The following WWOX variants were observed in gnomAD, a reference collection of about 807,000 sequenced individuals.
WWOX encodes WW domain containing oxidoreductase.
Under a neutral mutation model 46.2 loss-of-function variants are expected in WWOX, and 69 were observed. The observed-to-expected ratio is 1.49, with a 90% CI of 1.23 to 1.82. The LOEUF is 1.82. Among genes scored for constraint, WWOX ranks in the 40% most tolerant of loss-of-function variants. The pLI is 0.00. For synonymous variants in WWOX, 359 were observed against 202.6 expected (o/e 1.77, Z -6.56); for missense variants, 919 against 542.6 (o/e 1.69, Z -6.89).
intron 8 of WWOX, among the ~76,000 whole-genome samples, chr16:78,859,962 A>C (rs2052677353): frequency 1.3e-5 from 2 of 152,200 alleles, no homozygotes; most frequent in African/African-American, 4.8e-5. Flanking sequence ...TGATTTGGTG[A>C]CATATCCAGA....
At chr16:78,520,714 G>A (rs1249109147) in intron 8 of WWOX, among the ~76,000 whole-genome samples, 1 of 152,000 alleles carries the variant, frequency 6.6e-6, no homozygotes, top group African/African-American at 2.4e-5. Flanking sequence ...ATGAATCCCT[G>A]CATTGGCCAC....
At position 78,314,688 on chromosome 16, in the gene WWOX, G is replaced by GTTT. The variant is rs375905643; in HGVS notation, c.517-72162_517-72160dup. On this transcript the variant is annotated intron_variant, in intron 5 of 8. Transcript: ENST00000566780. ...TACAGGCACACCCCACCCTGCAGGG[G>GTTT]TTTTTTTTTTTTGTTTTTTTTTTTT... 1.7e-3 allele frequency among the ~76,000 whole-genome samples: 155 copies of GTTT among 90,452 alleles called. 2 individuals are homozygous for GTTT. The highest frequency in any genetic ancestry group is 9.0e-3 in the East Asian group (22 of 2,440). 59.3% of individuals were successfully genotyped at this position (90,452 alleles called of 152,430 possible). A position where few individuals can be genotyped will look rare whatever the true frequency, so the allele number is the denominator to read the frequency against.
chr16:79,147,103 G>A (rs562121295), intron 8 of WWOX, among the ~76,000 whole-genome samples: 2 of 152,278 alleles, frequency 1.3e-5, no homozygotes, highest in African/African-American at 4.8e-5. Context: ...ACTCAAGTGT[G>A]TATATGTGTG....
chr16:79,116,453 C>T (rs1244704246), intron 8 of WWOX, among the ~76,000 whole-genome samples: 7 of 152,164 alleles, frequency 4.6e-5, no homozygotes, highest in Non-Finnish European at 7.3e-5. Context: ...ACATTCATGA[C>T]GTTGTTCATG....
At chr16:78,597,545 C>T (rs1816616336) in intron 8 of WWOX, among the ~76,000 whole-genome samples, 1 of 152,136 alleles carries the variant, frequency 6.6e-6, no homozygotes, top group Non-Finnish European at 1.5e-5. Context: ...TACTGGTGAC[C>T]TGTTTTAAGA....
chr16:78,831,918 C>T (rs760464002), intron 8 of WWOX, among the ~76,000 whole-genome samples: 2 of 152,026 alleles, frequency 1.3e-5, no homozygotes, highest in African/African-American at 4.8e-5. Flanking sequence ...TCTCAAATAC[C>T]CTTCCTCTTT....
intron 8 of WWOX, among the ~76,000 whole-genome samples, chr16:79,095,907 T>C (rs2049059341): frequency 6.7e-6 from 1 of 149,590 alleles, no homozygotes; most frequent in South Asian, 2.1e-4. Flanking sequence ...CTCTGTTGTT[T>C]AGGCATGATC....
In WWOX at chr16:78,100,127, C is replaced by T. The variant is rs1461280519; in HGVS notation, c.107+242C>T. The T allele has an allele frequency of 1.5e-5, 20 of 1,341,038 alleles. No homozygotes were observed. In the East Asian group the frequency reaches 3.3e-4, roughly 22 times the overall value. The allele number at this position is 1,341,038 out of a possible 1,614,324, so 83.1% of individuals were successfully genotyped here. A position where few individuals can be genotyped will look rare whatever the true frequency, so the allele number is the denominator to read the frequency against. ...GGCGCGCCCTCTGCTGTTCAGGATG[C>T]AGCACTGCGCGGCGCGGCGAGGGCA... On this transcript the variant is annotated intron_variant, in intron 1 of 8. Coordinates refer to ENST00000566780, the MANE Select transcript of WWOX (RefSeq NM_016373.4).
intron 5 of WWOX, among the ~76,000 whole-genome samples, chr16:78,381,992 T>C (rs987725107): frequency 6.6e-6 from 1 of 152,142 alleles, no homozygotes; most frequent in African/African-American, 2.4e-5. Context: ...CAGCCTCCTG[T>C]GTAGCAGGTG....
chr16:78,428,897 A>G (rs1597071459), intron 7 of WWOX, among the ~76,000 whole-genome samples: 1 of 152,328 alleles, frequency 6.6e-6, no homozygotes, highest in East Asian at 1.9e-4. Flanking sequence ...ACATGTAAAC[A>G]TTAATGGAAA....
At chr16:79,123,636 G>A (rs928403346) in intron 8 of WWOX, among the ~76,000 whole-genome samples, 3 of 152,104 alleles carry the variant, frequency 2.0e-5, no homozygotes. Flanking sequence ...TGACCCCAAG[G>A]CTCCAGGCTT....
chr16:78,525,339 C>G (rs1406202996), intron 8 of WWOX: 1 of 151,982 alleles, frequency 6.6e-6, no homozygotes, highest in African/African-American at 2.4e-5. Context: ...GCGCCAGCCA[C>G]CACGCCCGGC....
chr16:79,146,250 T>G lies in WWOX; in HGVS notation c.1057-65358T>G, dbSNP rs534996507. ...AAAAAGAGTCTTTTGCATTTTTATTTCTTATCAATAGGTCCCTTTTTCTTG... is the reference window on the plus strand; with the variant it reads ...AAAAAGAGTCTTTTGCATTTTTATTGCTTATCAATAGGTCCCTTTTTCTTG... On this transcript the variant is annotated intron_variant, in intron 8 of 8. Transcript: ENST00000566780. Among the ~76,000 whole-genome samples the G allele has an allele frequency of 2.0e-4, 30 of 152,304 alleles. 1 individual carries two copies. Among genetic ancestry groups the G allele is most frequent in the Admixed American group, 1.6e-3 (24 of 15,296 alleles).
At chr16:78,605,468 ATT>A in intron 8 of WWOX, among the ~76,000 whole-genome samples, 1 of 149,068 alleles carries the variant, frequency 6.7e-6, no homozygotes, top group South Asian at 2.1e-4. Flanking sequence ...ACTCCAGCCT[ATT>A]TTTTTTTTCT....
chr16:78,581,622 G>A (rs1011293319), intron 8 of WWOX, among the ~76,000 whole-genome samples: 1 of 152,086 alleles, frequency 6.6e-6, no homozygotes, highest in African/African-American at 2.4e-5. Context: ...TGGAATCAAA[G>A]TCTCTTTCCC....
intron 8 of WWOX, among the ~76,000 whole-genome samples, chr16:78,926,522 C>T (rs182546319): frequency 1.0e-3 from 155 of 152,278 alleles, no homozygotes; most frequent in Middle Eastern, 3.4e-3. Flanking sequence ...ATGGCGAAGT[C>T]GCAGCCATTT....
chr16:78,861,249 C>A (rs948587172), intron 8 of WWOX, among the ~76,000 whole-genome samples: 1 of 152,204 alleles, frequency 6.6e-6, no homozygotes, highest in Non-Finnish European at 1.5e-5. Flanking sequence ...AGAATTGACT[C>A]CCTCTGCCTG....
intron 8 of WWOX, among the ~76,000 whole-genome samples, chr16:78,687,388 T>C (rs2142253863): frequency 6.6e-6 from 1 of 152,346 alleles, no homozygotes; most frequent in South Asian, 2.1e-4. Context: ...TCATTTTCAG[T>C]GTGGCCTGAG....
chr16:79,104,858 G>C (rs4888927), intron 8 of WWOX, among the ~76,000 whole-genome samples: 66,386 of 151,894 alleles, frequency 0.44, 15,995 homozygotes, highest in African/African-American at 0.65. Flanking sequence ...TTGACCAAAG[G>C]TGTCCAAACC....
Sources: allele counts gnomAD v4.1 joint callset (sites outside exome capture counted in the v4.1 genomes callset), GRCh38; gene constraint gnomAD v4.1.1; transcripts MANE v1.5; gene names NCBI Gene and HGNC (gene_info 2026-07-23, HGNC 2026-07-21).